The following EPHA6 variants were observed in gnomAD, a reference collection of about 807,000 sequenced individuals.
EPHA6 encodes ephrin type-A receptor 6.
Under a neutral mutation model 112.0 loss-of-function variants are expected in EPHA6, and 50 were observed. That is an observed-to-expected ratio of 0.45 (90% CI 0.36 to 0.56). EPHA6 has a LOEUF of 0.56. Ranked by LOEUF, EPHA6 falls within the 20% of genes least tolerant of loss-of-function variation. The pLI is 0.00. For synonymous variants in EPHA6, 529 were observed against 490.7 expected (o/e 1.08, Z -1.03); for missense variants, 1,280 against 1,417.4 (o/e 0.90, Z 1.56).
At chr3:97,274,585 T>A (rs1258824432) in intron 5 of EPHA6, among the ~76,000 whole-genome samples, 1 of 152,128 alleles carries the variant, frequency 6.6e-6, no homozygotes, top group African/African-American at 2.4e-5. Flanking sequence ...GAGTGAGGGC[T>A]TGAGTTAAGG....
intron 3 of EPHA6, among the ~76,000 whole-genome samples, chr3:96,992,847 C>T (rs539909118): frequency 3.3e-4 from 50 of 152,100 alleles, no homozygotes; most frequent in African/African-American, 1.0e-3. Flanking sequence ...TGTATTTATT[C>T]TTCAAGACCT....
chr3:96,815,654 G>C (rs1559744121), intron 1 of EPHA6, among the ~76,000 whole-genome samples: 1 of 152,154 alleles, frequency 6.6e-6, no homozygotes, highest in Non-Finnish European at 1.5e-5. Flanking sequence ...CCCTATTCAT[G>C]AAGTCAAGTC....
chr3:97,690,469 CTTTT>C (rs149089843), intron 14 of EPHA6, among the ~76,000 whole-genome samples: 1 of 142,458 alleles, frequency 7.0e-6, no homozygotes, highest in Non-Finnish European at 1.5e-5. Flanking sequence ...ACTTTTCGCC[CTTTT>C]TTTTTTTTTT....
intron 5 of EPHA6, among the ~76,000 whole-genome samples, chr3:97,324,451 T>C (rs111767483): frequency 4.4e-4 from 65 of 148,692 alleles, no homozygotes; most frequent in Non-Finnish European, 8.4e-4. Flanking sequence ...CTTTCTTTCT[T>C]TCTTTCTTTC....
chr3:97,748,536 T>C (rs1445568794), intron 17 of EPHA6, 51 bp from the exon 18 acceptor site: 2 of 852,148 alleles, frequency 2.3e-6, no homozygotes, highest in African/African-American at 1.7e-5. Context: ...TCTCTCTCTC[T>C]CTTTCTTGCT....
At chr3:97,334,971 G>A (rs1412587028) in intron 5 of EPHA6, among the ~76,000 whole-genome samples, 1 of 152,032 alleles carries the variant, frequency 6.6e-6, no homozygotes, top group East Asian at 1.9e-4. Flanking sequence ...TATAAACTCT[G>A]TCTTTGTGGA....
intron 3 of EPHA6, among the ~76,000 whole-genome samples, chr3:97,183,153 A>G (rs1335389016): frequency 3.3e-5 from 5 of 152,146 alleles, no homozygotes; most frequent in African/African-American, 1.2e-4. Flanking sequence ...TCAAATATAT[A>G]TCTCTAATTT....
intron 14 of EPHA6, among the ~76,000 whole-genome samples, chr3:97,664,770 T>C (rs1404020261): frequency 1.3e-5 from 2 of 152,138 alleles, no homozygotes; most frequent in Admixed American, 6.5e-5. Context: ...ACAAGGGATG[T>C]GAAGGACCTC....
intron 3 of EPHA6, among the ~76,000 whole-genome samples, chr3:97,030,902 A>C (rs1475302961): frequency 6.6e-6 from 1 of 151,978 alleles, no homozygotes; most frequent in Non-Finnish European, 1.5e-5. Context: ...TTTCTTAGGA[A>C]AAATGCATGT....
At chr3:96,986,023 A>C (rs1178068711) in intron 2 of EPHA6, among the ~76,000 whole-genome samples, 1 of 152,174 alleles carries the variant, frequency 6.6e-6, no homozygotes, top group Non-Finnish European at 1.5e-5. Context: ...AGTATACTCT[A>C]ATAGAAATGA....
intron 5 of EPHA6, among the ~76,000 whole-genome samples, chr3:97,386,239 A>G (rs776997306): frequency 6.6e-6 from 1 of 152,138 alleles, no homozygotes; most frequent in Non-Finnish European, 1.5e-5. Context: ...GTTACTTTCA[A>G]GATCTGTGAG....
At chr3:97,175,246 A>G (rs993456898) in intron 3 of EPHA6, among the ~76,000 whole-genome samples, 3 of 151,918 alleles carry the variant, frequency 2.0e-5, no homozygotes, top group African/African-American at 7.2e-5. Context: ...ATTATTTTCC[A>G]TTGGTCTATG....
intron 15 of EPHA6, among the ~76,000 whole-genome samples, chr3:97,723,098 GAAT>G (rs1338702789): frequency 4.6e-5 from 7 of 152,126 alleles, no homozygotes; most frequent in African/African-American, 7.2e-5. Context: ...ATGGAATAAG[GAAT>G]GATTCATAAT....
chr3:96,985,849 C>T (rs542589995), intron 2 of EPHA6, among the ~76,000 whole-genome samples: 2 of 152,136 alleles, frequency 1.3e-5, no homozygotes, highest in Admixed American at 6.5e-5. Context: ...AGAAACTATA[C>T]TATACTAGTG....
chr3:97,307,762 A>G (rs1329909628), intron 5 of EPHA6, among the ~76,000 whole-genome samples: 1 of 151,638 alleles, frequency 6.6e-6, no homozygotes, highest in Non-Finnish European at 1.5e-5. Context: ...ATATATATAC[A>G]CCACATGGGT....
chr3:97,540,922 A>T (rs1328282549), intron 11 of EPHA6, among the ~76,000 whole-genome samples: 1 of 152,192 alleles, frequency 6.6e-6, no homozygotes, highest in Non-Finnish European at 1.5e-5. Flanking sequence ...AGGGCTGTAG[A>T]TAAACCCATA....
At chr3:96,895,816 A>G in intron 2 of EPHA6, among the ~76,000 whole-genome samples, 1 of 152,252 alleles carries the variant, frequency 6.6e-6, no homozygotes, top group East Asian at 1.9e-4. Flanking sequence ...CCATCTTTAC[A>G]TGTCCATCTT....
intron 2 of EPHA6, among the ~76,000 whole-genome samples, chr3:96,922,515 C>G (rs1421151159): frequency 6.6e-6 from 1 of 152,034 alleles, no homozygotes; most frequent in Non-Finnish European, 1.5e-5. Context: ...ATATAAGAAA[C>G]TGTATTTTTC....
chr3:97,568,931 A>T (rs920037129), intron 11 of EPHA6, among the ~76,000 whole-genome samples: 1 of 152,206 alleles, frequency 6.6e-6, no homozygotes, highest in African/African-American at 2.4e-5. Context: ...CAAGGCTAAG[A>T]AGTTTCTGGA....
Sources: allele counts gnomAD v4.1 joint callset (sites outside exome capture counted in the v4.1 genomes callset), GRCh38; gene constraint gnomAD v4.1.1; transcripts MANE v1.5; gene names NCBI Gene and HGNC (gene_info 2026-07-23, HGNC 2026-07-21).